AFF3: variants seen among roughly 807,000 people sequenced by gnomAD.
AFF3 encodes the protein AF4/FMR2 family member 3.
AFF3 carries 32 observed loss-of-function variants against 129.7 expected under a neutral mutation model. The ratio of observed to expected loss-of-function variants is 0.25; its 90% CI spans 0.19 to 0.33. AFF3 has a LOEUF of 0.33. Ranked by LOEUF, AFF3 falls within the 10% of genes least tolerant of loss-of-function variation. The pLI, the probability that AFF3 is intolerant of heterozygous loss-of-function variation, is 1.00. For missense variants in AFF3, 1,373 were observed against 1,592.0 expected, an observed-to-expected ratio of 0.86 and a Z score of 2.34; for synonymous variants, 644 against 635.4, an observed-to-expected ratio of 1.01 and a Z score of -0.20.
chr2:99,552,271 T>A (rs1674482463), intron 24 of AFF3, among the ~76,000 whole-genome samples: 1 of 152,036 alleles, frequency 6.6e-6, no homozygotes, highest in Non-Finnish European at 1.5e-5. Context: ...ACACCTGTAA[T>A]CCCAGCTACT....
intron 11 of AFF3, among the ~76,000 whole-genome samples, chr2:99,723,575 G>C (rs1679097336): frequency 6.6e-6 from 1 of 152,114 alleles, no homozygotes; most frequent in African/African-American, 2.4e-5. Flanking sequence ...TCCTGCAGCT[G>C]CCATGGAGCC....
chr2:99,938,138 C>CAGTA (rs1311394750), intron 7 of AFF3, among the ~76,000 whole-genome samples: 1 of 152,218 alleles, frequency 6.6e-6, no homozygotes, highest in Non-Finnish European at 1.5e-5. Context: ...TCCTAACACA[C>CAGTA]AGTAACTGCT....
rs968805730 is a variant in AFF3 at position 99,840,809 on chromosome 2, G to A, written c.874-3285C>T. On this transcript the variant is annotated intron_variant, in intron 7 of 24. Coordinates refer to ENST00000672756, the MANE Select transcript of AFF3 (RefSeq NM_001386135.1). ...ACAAAGGTTATATAGGAAAGTCTCA[G>A]TCGGGCCGGGGGGCTTGATGGTCAC... is the stretch of plus-strand genomic sequence containing the variant. Among the ~76,000 whole-genome samples the A allele has an allele frequency of 2.6e-5, 4 of 152,148 alleles. No individual in the cohort carries two copies. In the East Asian group the frequency reaches 5.8e-4, roughly 22 times the overall value.
intron 11 of AFF3, among the ~76,000 whole-genome samples, chr2:99,723,314 G>A (rs1422382368): frequency 3.9e-5 from 6 of 152,144 alleles, no homozygotes; most frequent in Admixed American, 6.5e-5. Flanking sequence ...TCGATCTCCC[G>A]TTTTTAAAGG....
At chr2:99,805,474 C>T (rs1686264701) in intron 8 of AFF3, among the ~76,000 whole-genome samples, 1 of 152,046 alleles carries the variant, frequency 6.6e-6, no homozygotes. Context: ...ATAAATAAAA[C>T]ACAAAGAGAA....
chr2:100,118,717 C>G (rs2105549916), intron 2 of AFF3, among the ~76,000 whole-genome samples: 1 of 152,084 alleles, frequency 6.6e-6, no homozygotes, highest in African/African-American at 2.4e-5. Context: ...TTCCTATGCC[C>G]AAATCTTAGC....
chr2:99,998,148 GGGACACAGTAA>G (rs1258635444), intron 7 of AFF3, among the ~76,000 whole-genome samples: 3 of 152,224 alleles, frequency 2.0e-5, no homozygotes, highest in Non-Finnish European at 4.4e-5. Context: ...ACTGTCCTGA[GGGACACAGTAA>G]GGACCTCGTA....
chr2:100,124,842 G>A (rs1023101062), intron 2 of AFF3, among the ~76,000 whole-genome samples: 1 of 152,138 alleles, frequency 6.6e-6, no homozygotes, highest in African/African-American at 2.4e-5. Context: ...CATATATGAA[G>A]CAAACTAAAA....
At chr2:99,604,547 A>G (rs1002409862) in intron 13 of AFF3, among the ~76,000 whole-genome samples, 1 of 152,164 alleles carries the variant, frequency 6.6e-6, no homozygotes, top group African/African-American at 2.4e-5. Context: ...TGAGTGATGA[A>G]ATAATCTGTA....
rs1686820770 is a variant in AFF3 at position 100,056,746 on chromosome 2, T to TA, written c.53+47655dup. Among the ~76,000 whole-genome samples, 5 of 152,350 alleles carry TA rather than the reference T, an allele frequency of 3.3e-5. No homozygotes were observed. In the South Asian group the frequency reaches 1.0e-3, roughly 32 times the overall value. On this transcript the variant is annotated intron_variant, in intron 4 of 24. Transcript: ENST00000672756. The stretch of plus-strand genomic sequence containing the variant: ...TTTACTCTATACCATCTGTTCTAAA[T>TA]AAGGCTATGTCCTTTTTTGTGGGGA...
chr2:100,067,963 G>C (rs1397656151), intron 4 of AFF3, among the ~76,000 whole-genome samples: 1 of 152,108 alleles, frequency 6.6e-6, no homozygotes, highest in African/African-American at 2.4e-5. Flanking sequence ...AACAAGATGA[G>C]AAATAGTTTA....
At chr2:100,003,777 T>C (rs1436852352) in intron 7 of AFF3, among the ~76,000 whole-genome samples, 2 of 152,174 alleles carry the variant, frequency 1.3e-5, no homozygotes, top group African/African-American at 4.8e-5. Context: ...GGATTCAAAA[T>C]TTCCAAATTT....
At chr2:99,922,917 G>A (rs1695953402) in intron 7 of AFF3, among the ~76,000 whole-genome samples, 1 of 152,166 alleles carries the variant, frequency 6.6e-6, no homozygotes, top group Non-Finnish European at 1.5e-5. Flanking sequence ...CTCAGCCAGG[G>A]AAGGCTGCTG....
At chr2:99,616,463 A>G (rs192238563) in intron 13 of AFF3, among the ~76,000 whole-genome samples, 1 of 152,314 alleles carries the variant, frequency 6.6e-6, no homozygotes. Context: ...ATCTAATTTT[A>G]AAACATTTTT....
At chr2:99,841,558 G>T (rs931498768) in intron 7 of AFF3, among the ~76,000 whole-genome samples, 2 of 152,218 alleles carry the variant, frequency 1.3e-5, no homozygotes, top group Admixed American at 6.5e-5. Flanking sequence ...AGAACACTGA[G>T]AAATGTTCTG....
intron 7 of AFF3, among the ~76,000 whole-genome samples, chr2:99,947,951 G>A (rs145752068): frequency 1.3e-5 from 2 of 152,168 alleles, no homozygotes; most frequent in African/African-American, 4.8e-5. Context: ...ACTCAGCACA[G>A]AGCATCCTGC....
chr2:99,836,258 G>A (rs1688865683), intron 8 of AFF3, among the ~76,000 whole-genome samples: 1 of 152,164 alleles, frequency 6.6e-6, no homozygotes, highest in Admixed American at 6.5e-5. Context: ...CTTAAAAATG[G>A]AATATGTGAA....
intron 13 of AFF3, among the ~76,000 whole-genome samples, chr2:99,621,543 C>T (rs577293038): frequency 3.3e-5 from 5 of 152,356 alleles, no homozygotes; most frequent in Admixed American, 2.6e-4. Flanking sequence ...TTGCCTGTCA[C>T]TGTTGCTCTG....
intron 20 of AFF3, among the ~76,000 whole-genome samples, chr2:99,561,250 A>G (rs1272636293): frequency 6.6e-6 from 1 of 152,262 alleles, no homozygotes; most frequent in Non-Finnish European, 1.5e-5. Context: ...AGAATTAACT[A>G]AGATAGCGTT....
Sources: allele counts gnomAD v4.1 joint callset (sites outside exome capture counted in the v4.1 genomes callset), GRCh38; gene constraint gnomAD v4.1.1; transcripts MANE v1.5; gene names NCBI Gene and HGNC (gene_info 2026-07-23, HGNC 2026-07-21).